PCDH19: variants seen among roughly 807,000 people sequenced by gnomAD.
PCDH19 encodes protocadherin 19.
In PCDH19, 6 loss-of-function variants were observed where a neutral mutation model predicts 46.2. The ratio of observed to expected loss-of-function variants is 0.13; its 90% CI spans 0.07 to 0.26. PCDH19 has a LOEUF of 0.26. PCDH19 is among the 10% of genes least tolerant of loss of function. The pLI is 1.00. For missense variants in PCDH19, 740 were observed against 972.3 expected (o/e 0.76, Z 3.18); for synonymous variants, 481 against 415.7 (o/e 1.16, Z -1.91).
At position 100,296,008 on chromosome X, in the gene PCDH19, C is replaced by G. The variant is rs1281530689; in HGVS notation, c.*269G>C. On this transcript the variant is annotated 3_prime_UTR_variant, in exon 6 of 6. Transcript: ENST00000373034. ...AAATTCAAACACTTAATACATAATA[C>G]TTTTCACAACTGAATTTGTCTCTGT... The G allele has an allele frequency of 2.6e-6, 1 of 385,084 alleles. No individual in the cohort carries two copies. Among genetic ancestry groups the G allele is most frequent in the Non-Finnish European group, 4.5e-6 (1 of 222,065 alleles). The allele number at this position is 385,084 out of a possible 1,213,427, so 31.7% of individuals were successfully genotyped here. A position where few individuals can be genotyped will look rare whatever the true frequency, so the allele number is the denominator to read the frequency against.
At chrX:100,396,122 C>T (rs1928019122) in intron 3 of PCDH19, among the ~76,000 whole-genome samples, 1 of 111,742 alleles carries the variant, frequency 8.9e-6, no homozygotes, top group Admixed American at 9.5e-5. Flanking sequence ...CTTGGCCTCC[C>T]CTAAATCCTG....
At chrX:100,338,811 C>T (rs553374702) in intron 5 of PCDH19, among the ~76,000 whole-genome samples, 6 of 111,675 alleles carry the variant, frequency 5.4e-5, no homozygotes, top group African/African-American at 2.0e-4. Context: ...AAAAGAGGAG[C>T]AAATATAGTT....
chrX:100,367,836 C>T (rs1038891414), intron 3 of PCDH19, among the ~76,000 whole-genome samples: 12 of 111,375 alleles, frequency 1.1e-4, no homozygotes, highest in African/African-American at 3.9e-4. Context: ...GAGAAGAAAG[C>T]CTCCATGGGT....
chrX:100,336,576 A>C (rs191637882), intron 5 of PCDH19, among the ~76,000 whole-genome samples: 1 of 112,322 alleles, frequency 8.9e-6, no homozygotes, highest in African/African-American at 3.2e-5. Flanking sequence ...CAAGTCTACT[A>C]AAACAGAAGA....
At chrX:100,328,865 C>T (rs1925783928) in intron 5 of PCDH19, among the ~76,000 whole-genome samples, 1 of 112,357 alleles carries the variant, frequency 8.9e-6, no homozygotes, top group Admixed American at 9.4e-5. Flanking sequence ...AATTGTGTTT[C>T]TTTGAAAATT....
intron 3 of PCDH19, among the ~76,000 whole-genome samples, chrX:100,397,152 T>C (rs1203795485): frequency 8.9e-6 from 1 of 112,385 alleles, no homozygotes; most frequent in African/African-American, 3.2e-5. Flanking sequence ...GCCCAGAATT[T>C]CATTCAAGTC....
At chrX:100,326,948 C>T (rs1235575051) in intron 5 of PCDH19, among the ~76,000 whole-genome samples, 1 of 111,589 alleles carries the variant, frequency 9.0e-6, no homozygotes. Flanking sequence ...TCCTCTTCCC[C>T]CCACCACTCC....
chrX:100,309,181 C>CACACACACAT (rs1569287919), intron 5 of PCDH19, among the ~76,000 whole-genome samples: 2 of 109,809 alleles, frequency 1.8e-5, no homozygotes, highest in African/African-American at 6.6e-5. Flanking sequence ...CACACACACA[C>CACACACACAT]CATGGAAATA....
At chrX:100,311,191 C>G (rs912706077) in intron 5 of PCDH19, among the ~76,000 whole-genome samples, 6 of 110,918 alleles carry the variant, frequency 5.4e-5, no homozygotes, top group African/African-American at 2.0e-4. Context: ...CTAAACTTAT[C>G]TCCAACTTGG....
At chrX:100,299,403 GAT>G (rs1924709432) in intron 5 of PCDH19, among the ~76,000 whole-genome samples, 4 of 111,347 alleles carry the variant, frequency 3.6e-5, no homozygotes, top group South Asian at 7.8e-4. Context: ...CTAATTTTGA[GAT>G]TTAGTTTTTT....
chrX:100,335,872 A>C (rs1926069471), intron 5 of PCDH19, among the ~76,000 whole-genome samples: 1 of 111,906 alleles, frequency 8.9e-6, no homozygotes, highest in South Asian at 3.7e-4. Context: ...ACATATATAG[A>C]AACGCTGTAT....
chrX:100,331,643 A>C (rs1925873943), intron 5 of PCDH19, among the ~76,000 whole-genome samples: 1 of 111,396 alleles, frequency 9.0e-6, no homozygotes, highest in Admixed American at 9.5e-5. Flanking sequence ...TAAGGGAGGG[A>C]GGTGATTGGA....
intron 5 of PCDH19, among the ~76,000 whole-genome samples, chrX:100,315,594 G>C (rs758130227): frequency 1.8e-5 from 2 of 112,305 alleles, no homozygotes; most frequent in Non-Finnish European, 3.8e-5. Context: ...CAGCCTTCCT[G>C]TCTGTTCCGC....
At chrX:100,356,542 T>C (rs748402905) in intron 3 of PCDH19, among the ~76,000 whole-genome samples, 1 of 111,630 alleles carries the variant, frequency 9.0e-6, no homozygotes, top group African/African-American at 3.3e-5. Flanking sequence ...AAAATAAAGC[T>C]GACGTGCCTC....
Position 100,402,639 on chromosome X carries a change from T to C in PCDH19, c.2501A>G (p.Asn834Ser), listed in dbSNP as rs766355858. 3.4e-5 allele frequency: 41 copies of C among 1,209,747 alleles called. No individual in the cohort carries two copies. In the African/African-American group the frequency reaches 5.4e-4, roughly 16 times the overall value. The change falls in exon 3 of 6, where the codon AAT (asparagine) becomes AGT (serine). Residue 834 changes from asparagine (N) to serine (S), a missense_variant. Physicochemically the swap from Asn to Ser is conservative, Grantham distance 46. Around this residue, in one of 5 missense-constraint regions of PCDH19, gnomAD observed 416 missense variants for 476.8 expected, o/e 0.87. Transcript: ENST00000373034. ...GTTGCGGGTATTCTGGTTCTCCACA[T>C]TCAGGAAAGTGCTCTCAGAGCGGCG... ...GCRRSESTFL[N>S]VENQNTRNTS...
chrX:100,389,390 G>GC (rs1432582724), intron 3 of PCDH19, among the ~76,000 whole-genome samples: 10 of 108,242 alleles, frequency 9.2e-5, no homozygotes, highest in Non-Finnish European at 1.3e-4. Context: ...AGGGGTTGTG[G>GC]GTGGGGGAAA....
intron 3 of PCDH19, among the ~76,000 whole-genome samples, chrX:100,392,939 T>C (rs1927904606): frequency 1.8e-5 from 2 of 111,496 alleles, no homozygotes; most frequent in Non-Finnish European, 3.8e-5. Flanking sequence ...TATGGTTTTA[T>C]AGCAAACGAC....
At chrX:100,307,812 A>G (rs1163908831) in intron 5 of PCDH19, among the ~76,000 whole-genome samples, 3 of 111,121 alleles carry the variant, frequency 2.7e-5, no homozygotes, top group Non-Finnish European at 3.8e-5. Flanking sequence ...CAAAATAATA[A>G]TAATAAGGAA....
At chrX:100,371,419 G>T (rs1927221066) in intron 3 of PCDH19, among the ~76,000 whole-genome samples, 1 of 111,279 alleles carries the variant, frequency 9.0e-6, no homozygotes, top group African/African-American at 3.3e-5. Flanking sequence ...AGGGGCAAGT[G>T]TGTTTTGTCC....
Sources: allele counts gnomAD v4.1 joint callset (sites outside exome capture counted in the v4.1 genomes callset), GRCh38; gene constraint gnomAD v4.1.1; regional missense constraint gnomAD v4.1.1; transcripts MANE v1.5; gene names NCBI Gene and HGNC (gene_info 2026-07-23, HGNC 2026-07-21).